PARP16: variants seen among roughly 807,000 people sequenced by gnomAD.
The protein encoded by PARP16 is poly(ADP-ribose) polymerase family member 16, also known as protein mono-ADP-ribosyltransferase PARP16.
Under a neutral mutation model 35.0 loss-of-function variants are expected in PARP16, and 31 were observed. The ratio of observed to expected loss-of-function variants is 0.88; its 90% CI spans 0.66 to 1.19. The LOEUF is 1.19. Ranked by LOEUF, PARP16 falls within the 50% of genes most tolerant of loss-of-function variation. The pLI is 0.00. For missense variants in PARP16, 424 were observed against 411.2 expected (o/e 1.03, Z -0.27); for synonymous variants, 162 against 169.5 (o/e 0.96, Z 0.34).
chr15:65,239,955 C>CTTTTTTTTTTTTTTTTTTTTTTTTTT lies in PARP16; in HGVS notation c.*98-5133_*98-5132insAAAAAAAAAAAAAAAAAAAAAAAAAA, dbSNP rs367808430. The stretch of plus-strand genomic sequence containing the variant: ...ACAGGCGTGAGCCACCGCGTCTGAC[C>CTTTTTTTTTTTTTTTTTTTTTTTTTT]TTTTTTTTTTTTTTTTTTTAAATAC... On this transcript the variant is annotated intron_variant and NMD_transcript_variant, in intron 3 of 3. Coordinates refer to the PARP16 transcript ENST00000559805. Among the ~76,000 whole-genome samples the CTTTTTTTTTTTTTTTTTTTTTTTTTT allele has an allele frequency of 1.6e-4, 13 of 81,720 alleles. 5 individuals are homozygous for CTTTTTTTTTTTTTTTTTTTTTTTTTT. Among genetic ancestry groups the CTTTTTTTTTTTTTTTTTTTTTTTTTT allele is most frequent in the African/African-American group, 5.8e-4 (10 of 17,134 alleles). 53.6% of individuals were successfully genotyped at this position (81,720 alleles called of 152,430 possible).
At chr15:65,239,659 C>CTT (rs71136328) in intron 3 of PARP16, among the ~76,000 whole-genome samples, 2 of 129,360 alleles carry the variant, frequency 1.5e-5, no homozygotes, top group African/African-American at 5.5e-5. Context: ...GTAATTTTTT[C>CTT]TTTTTTTTTT....
intron 2 of PARP16, among the ~76,000 whole-genome samples, chr15:65,253,036 A>G (rs2140787704): frequency 6.6e-6 from 1 of 151,276 alleles, no homozygotes; most frequent in East Asian, 2.0e-4. Context: ...AGGCTGAGGT[A>G]GGAGAATCAC....
chr15:65,263,962 A>T (rs1313844410), intron 3 of PARP16, among the ~76,000 whole-genome samples: 1 of 152,220 alleles, frequency 6.6e-6, no homozygotes, highest in East Asian at 1.9e-4. Context: ...CATTACTTGG[A>T]AAAGAAATGA....
At chr15:65,247,699 C>G (rs574424494) in intron 3 of PARP16, among the ~76,000 whole-genome samples, 8 of 152,052 alleles carry the variant, frequency 5.3e-5, no homozygotes, top group Non-Finnish European at 1.2e-4. Context: ...GAGTTCTACC[C>G]TCTAGGAAAA....
chr15:65,272,115 C>T lies in PARP16; in HGVS notation c.175-1043G>A, dbSNP rs977036024. On this transcript the variant is annotated intron_variant, in intron 1 of 5. Transcript: ENST00000649807. ...CCATGTGGATCTCATCTCTTTACTC[C>T]CAAGTTTTCACTTTTGGGGGCAAAG... is the stretch of plus-strand genomic sequence containing the variant. Among the ~76,000 whole-genome samples the T allele has an allele frequency of 2.6e-5, 4 of 152,196 alleles. No individual in the cohort carries two copies. The East Asian group carries it at 7.7e-4, about 29-fold the overall frequency.
intron 3 of PARP16, among the ~76,000 whole-genome samples, chr15:65,247,797 T>TC (rs2089248515): frequency 6.7e-6 from 1 of 149,416 alleles, no homozygotes; most frequent in Non-Finnish European, 1.5e-5. Flanking sequence ...AATGGATTGT[T>TC]CTTTTTTTTT....
chr15:65,236,705 G>C (rs988331558), intron 3 of PARP16, among the ~76,000 whole-genome samples: 1 of 152,228 alleles, frequency 6.6e-6, no homozygotes, highest in African/African-American at 2.4e-5. Context: ...GGGCACGGTG[G>C]CTTATGCCTG....
At chr15:65,255,198 T>G (rs2089463983), downstream of PARP16, among the ~76,000 whole-genome samples, 1 of 151,728 alleles carries the variant, frequency 6.6e-6, no homozygotes, top group African/African-American at 2.4e-5. Flanking sequence ...GCTTGTCTCC[T>G]TCCTGCCTCT....
chr15:65,281,468 T>C (rs184375296), intron 1 of PARP16, among the ~76,000 whole-genome samples: 3 of 152,142 alleles, frequency 2.0e-5, no homozygotes, highest in East Asian at 1.9e-4. Context: ...GGAGGGCGAA[T>C]CACCTGAGGT....
intron 4 of PARP16, 85 bp downstream of exon 4, chr15:65,263,064 G>A (rs1289736369): frequency 6.2e-6 from 8 of 1,290,878 alleles, no homozygotes; most frequent in Non-Finnish European, 8.8e-6. Context: ...CATGCAATGG[G>A]TGCTCTACCC....
chr15:65,257,099 A>G (rs369394259), downstream of PARP16, among the ~76,000 whole-genome samples: 12 of 152,180 alleles, frequency 7.9e-5, no homozygotes, highest in African/African-American at 2.9e-4. Context: ...CCTGGCCAAC[A>G]TGGCAAAACC....
intron 3 of PARP16, among the ~76,000 whole-genome samples, chr15:65,263,710 C>A (rs2089809243): frequency 6.6e-6 from 1 of 152,194 alleles, no homozygotes; most frequent in South Asian, 2.1e-4. Context: ...CTAGTAGCTC[C>A]TTTACAAGGT....
At chr15:65,273,886 A>AC (rs929503782) in intron 1 of PARP16, among the ~76,000 whole-genome samples, 7 of 151,582 alleles carry the variant, frequency 4.6e-5, no homozygotes, top group South Asian at 2.1e-4. Flanking sequence ...CAAAAAAAAA[A>AC]AAAACAAAAA....
chr15:65,254,561 C>G (rs4776263), downstream of PARP16, among the ~76,000 whole-genome samples: 72 of 150,276 alleles, frequency 4.8e-4, no homozygotes, highest in Admixed American at 7.3e-4. Context: ...AGGAGGGGAG[C>G]GGGGAGAGAG....
intron 1 of PARP16, among the ~76,000 whole-genome samples, chr15:65,284,809 GTCT>G (rs2090532117): frequency 1.6e-5 from 2 of 122,262 alleles, no homozygotes; most frequent in Non-Finnish European, 3.3e-5. Flanking sequence ...CTAATCCAAC[GTCT>G]TTTTTTTTTT....
Position 65,286,394 on chromosome 15 carries a change from C to T in PARP16, c.33G>A (p.Glu11=). The T allele has an allele frequency of 1.3e-6, 2 of 1,553,578 alleles. No homozygotes were observed. The highest frequency in any genetic ancestry group is 1.7e-6 in the Non-Finnish European group (2 of 1,153,676). MQPSGWAAAR[E]AAGRDMLAAD... ...CGGCCAGCATGTCGCGGCCCGCCGCCTCCCTGGCGGCCGCCCAGCCTGAGG... is the reference window on the plus strand; with the variant it reads ...CGGCCAGCATGTCGCGGCCCGCCGCTTCCCTGGCGGCCGCCCAGCCTGAGG... The change falls in exon 1 of 6, where the codon GAG becomes GAA. Residue 11 remains glutamate, a synonymous_variant. Transcript: ENST00000649807.
intron 1 of PARP16, among the ~76,000 whole-genome samples, chr15:65,280,726 G>A (rs951611812): frequency 6.6e-6 from 1 of 152,154 alleles, no homozygotes; most frequent in Non-Finnish European, 1.5e-5. Flanking sequence ...AGGACAGAGA[G>A]GAGCTTATAT....
chr15:65,245,699 T>C (rs1447491413), intron 3 of PARP16, among the ~76,000 whole-genome samples: 3 of 152,108 alleles, frequency 2.0e-5, no homozygotes, highest in Non-Finnish European at 2.9e-5. Context: ...CATGGTGACA[T>C]CATCCCCTTG....
At chr15:65,266,443 G>A in intron 3 of PARP16, 119 bp downstream of exon 3, 1 of 757,698 alleles carries the variant, frequency 1.3e-6, no homozygotes, top group Non-Finnish European at 2.2e-6. Flanking sequence ...GAGTGAGAAG[G>A]CGTTAGTAAA....
Sources: gnomAD v4.1 joint callset for allele counts (sites outside exome capture counted in the v4.1 genomes callset) on GRCh38, gnomAD v4.1.1 for gene constraint, MANE v1.5 for transcripts, NCBI Gene and HGNC (gene_info 2026-07-23, HGNC 2026-07-21) for gene names.